Variants in MKX observed in about 807,000 individuals in gnomAD.
MKX encodes the protein homeobox protein Mohawk.
A neutral mutation model predicts 36.0 loss-of-function variants in MKX; 13 were observed. The ratio of observed to expected loss-of-function variants is 0.36; its 90% CI spans 0.24 to 0.57. The LOEUF (loss-of-function observed/expected upper bound fraction) is 0.57. Among genes scored for constraint, MKX ranks in the 20% least tolerant of loss-of-function variants. The pLI is 0.79. For missense variants in MKX, 458 were observed against 456.4 expected (o/e 1.00, Z -0.03); for synonymous variants, 176 against 178.3 (o/e 0.99, Z 0.10).
chr10:27,708,734 A>AC (rs1836801355), intron 5 of MKX, among the ~76,000 whole-genome samples: 2 of 140,978 alleles, frequency 1.4e-5, no homozygotes, highest in East Asian at 5.0e-4. Context: ...TTTCAAAAAA[A>AC]AAAAAACGAC....
At chr10:27,724,791 A>ACACACCCC (rs775804611) in intron 5 of MKX, among the ~76,000 whole-genome samples, 148 of 147,874 alleles carry the variant, frequency 1.0e-3, no homozygotes, top group African/African-American at 3.3e-3. Context: ...ACACACACAC[A>ACACACCCC]CCCCGCAGAA....
In MKX at chr10:27,741,281, A is replaced by G; in HGVS notation, c.348+64T>C. ...CCACGTGGAGAGCCACACGAACTCT[A>G]AGCGTTCCCGCTCTTCAGCCCCTCG... On this transcript the variant is annotated intron_variant, in intron 3 of 6. Transcript: ENST00000419761. This position sits in a 1 kb window ranked among gnomAD's most constrained non-coding sequence, Gnocchi z 5.1. The G allele has an allele frequency of 6.3e-7, 1 of 1,594,174 alleles. No homozygotes were observed. The highest frequency in any genetic ancestry group is 8.5e-7 in the Non-Finnish European group (1 of 1,170,180).
At chr10:27,685,324 A>G (rs1179342263) in intron 5 of MKX, among the ~76,000 whole-genome samples, 2 of 152,230 alleles carry the variant, frequency 1.3e-5, no homozygotes, top group Non-Finnish European at 2.9e-5. Flanking sequence ...CAAAGAGACC[A>G]AAACCAGATT....
At chr10:27,676,538 CG>C (rs1203016112) in intron 5 of MKX, among the ~76,000 whole-genome samples, 1 of 151,750 alleles carries the variant, frequency 6.6e-6, no homozygotes, top group East Asian at 2.0e-4. Flanking sequence ...CCACCAAGCC[CG>C]GCTAATTTTT....
intron 5 of MKX, among the ~76,000 whole-genome samples, chr10:27,684,339 T>C (rs565700900): frequency 2.6e-4 from 39 of 152,030 alleles, no homozygotes; most frequent in African/African-American, 6.0e-4. Context: ...TATATATATA[T>C]ACAAACACAC....
At chr10:27,715,199 A>C (rs111636066) in intron 5 of MKX, among the ~76,000 whole-genome samples, 789 of 77,790 alleles carry the variant, frequency 0.01, 11 homozygotes, top group African/African-American at 0.023. Flanking sequence ...TGCTGCAGGC[A>C]GACGCTTGCT....
At chr10:27,739,625 C>A (rs1389692050) in intron 3 of MKX, among the ~76,000 whole-genome samples, 1 of 152,012 alleles carries the variant, frequency 6.6e-6, no homozygotes, top group Non-Finnish European at 1.5e-5. Context: ...TCAACAAAAA[C>A]CACTACATAA....
chr10:27,725,878 TATTCCTTATAC>T (rs1289226471), intron 5 of MKX, among the ~76,000 whole-genome samples: 2 of 152,200 alleles, frequency 1.3e-5, no homozygotes, highest in Non-Finnish European at 2.9e-5. Context: ...TACGTGCTTA[TATTCCTTATAC>T]ATAGGAGAAG....
At chr10:27,686,394 AAAGGAAGG>A (rs199641003) in intron 5 of MKX, among the ~76,000 whole-genome samples, 48,577 of 122,184 alleles carry the variant, frequency 0.4, 9,717 homozygotes, top group Non-Finnish European at 0.47. Flanking sequence ...AAGGGAAGGG[AAAGGAAGG>A]AAGGAAGGAA....
chr10:27,724,948 G>A (rs533067480), intron 5 of MKX, among the ~76,000 whole-genome samples: 2 of 151,862 alleles, frequency 1.3e-5, no homozygotes, highest in Non-Finnish European at 1.5e-5. Context: ...TTCCACTCTA[G>A]CTATTAAAAG....
At chr10:27,731,424 C>T (rs1479612426) in intron 5 of MKX, among the ~76,000 whole-genome samples, 1 of 152,138 alleles carries the variant, frequency 6.6e-6, no homozygotes, top group Non-Finnish European at 1.5e-5. Context: ...ACTATTTATA[C>T]ATGCCTGGTA....
At chr10:27,732,996 T>C (rs1430993319) in intron 5 of MKX, among the ~76,000 whole-genome samples, 1 of 152,198 alleles carries the variant, frequency 6.6e-6, no homozygotes, top group African/African-American at 2.4e-5. Flanking sequence ...GGAATCCTCT[T>C]GCCTCTGCCT....
intron 5 of MKX, among the ~76,000 whole-genome samples, chr10:27,731,265 G>A (rs1429105690): frequency 6.6e-6 from 1 of 152,102 alleles, no homozygotes; most frequent in Non-Finnish European, 1.5e-5. Flanking sequence ...CACTGGGGGA[G>A]GGGGTGTTAA....
At position 27,735,236 on chromosome 10, in the gene MKX, C is replaced by A; in HGVS notation, c.487G>T (p.Asp163Tyr). The A allele has an allele frequency of 6.3e-7, 1 of 1,593,816 alleles. No homozygotes were observed. The highest frequency in any genetic ancestry group is 1.1e-5 in the South Asian group (1 of 87,152). Reference protein sequence around the residue: ...NAERLSVSSDDSCSEDGENPP... With the variant: ...NAERLSVSSDYSCSEDGENPP... ...ATTAACAAACCTTCAGAACATGAGT[C>A]ATCACTGCTTACGCTAAGCCGTTCA... Residue 163 changes from aspartate to tyrosine, a missense_variant, in exon 4 of 7, where the codon GAC becomes TAC. By Grantham distance (160) the Asp-to-Tyr change is radical (BLOSUM62 -3). Coordinates refer to ENST00000419761, the MANE Select transcript of MKX (RefSeq NM_173576.3).
chr10:27,718,644 C>T (rs184532912), intron 5 of MKX: 21 of 392,944 alleles, frequency 5.3e-5, no homozygotes, highest in South Asian at 1.9e-4. Flanking sequence ...ACAAGCTTAA[C>T]GACATAGTAA....
At chr10:27,676,131 G>T (rs1836143466) in intron 5 of MKX, among the ~76,000 whole-genome samples, 1 of 151,988 alleles carries the variant, frequency 6.6e-6, no homozygotes, top group South Asian at 2.1e-4. Context: ...AAAATAGCTG[G>T]GTATGGTGGG....
chr10:27,674,132 CT>C lies in MKX; in HGVS notation c.*1096del, dbSNP rs1213139806. ...TGTTTTCTTTCAATGCATGATTTCA[CT>C]TCATTTTTACTTTAATGTCCAACTT... On this transcript the variant is annotated 3_prime_UTR_variant, in exon 7 of 7. Coordinates refer to ENST00000419761, the MANE Select transcript of MKX (RefSeq NM_173576.3). 1.3e-5 allele frequency: 2 copies of C among 152,160 alleles called. No homozygotes were observed. The highest frequency in any genetic ancestry group is 4.8e-5 in the African/African-American group (2 of 41,456). 9.4% of individuals were successfully genotyped at this position (152,160 alleles called of 1,614,324 possible).
intron 5 of MKX, among the ~76,000 whole-genome samples, chr10:27,720,049 C>A (rs1589683375): frequency 6.7e-6 from 1 of 149,430 alleles, no homozygotes; most frequent in Non-Finnish European, 1.5e-5. Flanking sequence ...AAGTTAAAGA[C>A]CAAATTATTA....
intron 5 of MKX, among the ~76,000 whole-genome samples, chr10:27,726,403 G>A (rs998625796): frequency 6.6e-6 from 1 of 152,162 alleles, no homozygotes; most frequent in African/African-American, 2.4e-5. Flanking sequence ...TTAAATGAGT[G>A]GGTTTAGATC....
Sources: gnomAD v4.1 joint callset for allele counts (sites outside exome capture counted in the v4.1 genomes callset) on GRCh38, gnomAD v4.1.1 for gene constraint, Gnocchi (gnomAD v3.1) non-coding constraint, MANE v1.5 for transcripts, NCBI Gene and HGNC (gene_info 2026-07-23, HGNC 2026-07-21) for gene names.